The following TMEM183A variants were observed in gnomAD, a reference collection of about 807,000 sequenced individuals.
TMEM183A encodes the protein transmembrane protein 183A.
A neutral mutation model predicts 46.7 loss-of-function variants in TMEM183A; 21 were observed. That is an observed-to-expected ratio of 0.45 (90% CI 0.32 to 0.65). The LOEUF (loss-of-function observed/expected upper bound fraction) is 0.65. Ranked by LOEUF, TMEM183A falls within the 30% of genes least tolerant of loss-of-function variation. The probability of loss-of-function intolerance (pLI) is 0.04; values close to 1 mark genes in which losing one functional copy is unlikely to be tolerated. For synonymous variants in TMEM183A, 165 were observed against 180.2 expected (o/e 0.92, Z 0.68); for missense variants, 331 against 481.9 (o/e 0.69, Z 2.93).
chr1:203,015,207 A>G (rs1337057943), intron 4 of TMEM183A, 159 bp downstream of exon 4: 2 of 1,010,412 alleles, frequency 2.0e-6, no homozygotes, highest in African/African-American at 3.3e-5. Flanking sequence ...TCTAATTTAA[A>G]TTTGATATTA....
Position 203,014,989 on chromosome 1 carries a change from T to G in TMEM183A, c.468T>G (p.Ile156Met). 1 of 1,613,886 alleles carries G rather than the reference T, an allele frequency of 6.2e-7. No individual in the cohort carries two copies. The highest frequency in any genetic ancestry group is 1.3e-5 in the African/African-American group (1 of 75,020). ...AGGACATTGTGAATTTTTCCCTGAT[T>G]TGTAAGAATGCCTGGACTGTCACTT... The part of the protein sequence containing the change: ...RPEDIVNFSL[I>M]CKNAWTVTCT... The change falls in exon 4 of 8, where the codon ATT becomes ATG. Residue 156 changes from isoleucine to methionine, a missense_variant. Coordinates refer to ENST00000367242, the MANE Select transcript of TMEM183A (RefSeq NM_138391.6).
chr1:203,014,987 A>C lies in TMEM183A; in HGVS notation c.466A>C (p.Ile156Leu), dbSNP rs1657028069. ...TGAGGACATTGTGAATTTTTCCCTG[A>C]TTTGTAAGAATGCCTGGACTGTCAC... ...RPEDIVNFSLICKNAWTVTCT... is the reference protein window; with the variant it reads ...RPEDIVNFSLLCKNAWTVTCT... Residue 156 changes from isoleucine (I) to leucine (L), a missense_variant, in exon 4 of 8, where the codon ATT becomes CTT. Around this residue, in one of 2 missense-constraint regions of TMEM183A, gnomAD observed 233 missense variants for 385.8 expected, o/e 0.60. Coordinates refer to ENST00000367242, the MANE Select transcript of TMEM183A (RefSeq NM_138391.6). 6.2e-7 allele frequency: 1 copy of C among 1,613,024 alleles called. No homozygotes were observed. Among genetic ancestry groups the C allele is most frequent in the Non-Finnish European group, 8.5e-7 (1 of 1,179,718 alleles).
chr1:203,010,287 A>G (rs1200617251), intron 3 of TMEM183A, among the ~76,000 whole-genome samples: 2 of 152,336 alleles, frequency 1.3e-5, no homozygotes, highest in East Asian at 1.9e-4. Flanking sequence ...AATTAATGGT[A>G]TGATTGCTTT....
intron 4 of TMEM183A, chr1:203,015,266 C>A: frequency 1.6e-6 from 1 of 626,384 alleles, no homozygotes; most frequent in Non-Finnish European, 2.6e-6. Context: ...CTTCCCCACT[C>A]CAGTATCCAC....
intron 7 of TMEM183A, among the ~76,000 whole-genome samples, chr1:203,022,098 G>T (rs190682028): frequency 6.6e-6 from 1 of 151,764 alleles, no homozygotes; most frequent in Non-Finnish European, 1.5e-5. Flanking sequence ...ATGGAGTCTC[G>T]CTCTGTAGTC....
In TMEM183A at chr1:203,017,624, G is replaced by A. The variant is rs114309706; in HGVS notation, c.709-857G>A. 1.3e-3 allele frequency: 672 copies of A among 508,286 alleles called. 7 individuals carry two copies. Among genetic ancestry groups the A allele is most frequent in the African/African-American group, 0.013 (609 of 48,138 alleles). The allele number at this position is 508,286 out of a possible 1,614,324, so 31.5% of individuals were successfully genotyped here. A position where few individuals can be genotyped will look rare whatever the true frequency, so the allele number is the denominator to read the frequency against. ...TGGGGCCTGCAGTGGCAGATATCCC[G>A]TGCATGGCCTTGCCACTTGTATACC... On this transcript the variant is annotated intron_variant, in intron 5 of 7. Transcript: ENST00000367242.
intron 7 of TMEM183A, among the ~76,000 whole-genome samples, chr1:203,021,910 A>G (rs916769949): frequency 6.6e-6 from 1 of 151,342 alleles, no homozygotes; most frequent in Non-Finnish European, 1.5e-5. Context: ...CAAATAATAC[A>G]TAAATATACT....
chr1:203,007,477 G>A lies in TMEM183A; in HGVS notation c.12G>A (p.Gly4=), dbSNP rs753975949. ...CTCCGGCCGGAGACATGGCCCGGGG[G>A]CCCGGCCCGCTAGGCAGGCCTCGCC... MAR[G]PGPLGRPRPD... is the part of the protein sequence containing the mutation. Residue 4 remains glycine, a synonymous_variant, in exon 1 of 8, where the codon GGG becomes GGA. Transcript: ENST00000367242. The A allele has an allele frequency of 1.2e-5, 18 of 1,469,906 alleles. No individual in the cohort carries two copies. The South Asian group carries it at 1.9e-4, about 15-fold the overall frequency. 91.1% of individuals were successfully genotyped at this position (1,469,906 alleles called of 1,614,324 possible).
In TMEM183A at chr1:203,023,143, A is replaced by G. The variant is rs1657880693; in HGVS notation, c.*103A>G. 3.3e-6 allele frequency: 2 copies of G among 612,772 alleles called. No homozygotes were observed. Among genetic ancestry groups the G allele is most frequent in the Non-Finnish European group, 5.5e-6 (2 of 366,306 alleles). The allele number at this position is 612,772 out of a possible 1,614,324, so 38.0% of individuals were successfully genotyped here. ...GGATTGTATATCTCGTTAGTAATGTACATGCTCTTCAGGTTCTAGGGCTCC... is the reference window on the plus strand; with the variant it reads ...GGATTGTATATCTCGTTAGTAATGTGCATGCTCTTCAGGTTCTAGGGCTCC... On this transcript the variant is annotated 3_prime_UTR_variant, in exon 8 of 8. Transcript: ENST00000367242.
intron 5 of TMEM183A, among the ~76,000 whole-genome samples, chr1:203,017,074 C>T (rs569718455): frequency 2.0e-5 from 3 of 152,228 alleles, no homozygotes; most frequent in African/African-American, 7.2e-5. Flanking sequence ...TCGAGATTAT[C>T]GAGGTTCCCC....
intron 7 of TMEM183A, among the ~76,000 whole-genome samples, chr1:203,022,195 A>G (rs1482009463): frequency 6.6e-6 from 1 of 151,938 alleles, no homozygotes; most frequent in African/African-American, 2.4e-5. Flanking sequence ...CCGCTTCCCA[A>G]GTAGCTATCT....
At chr1:203,016,301 C>T in intron 5 of TMEM183A, 161 bp downstream of exon 5, 1 of 991,992 alleles carries the variant, frequency 1.0e-6, no homozygotes, top group Non-Finnish European at 1.5e-6. Flanking sequence ...TTCTCCAAGA[C>T]CTTTCTGCTG....
chr1:203,010,948 A>G (rs1219739702), intron 3 of TMEM183A, among the ~76,000 whole-genome samples: 1 of 152,202 alleles, frequency 6.6e-6, no homozygotes, highest in Non-Finnish European at 1.5e-5. Context: ...GAATCATACA[A>G]TATATAGTCT....
chr1:203,008,906 T>TATATCTTATAA, intron 3 of TMEM183A, 96 bp downstream of exon 3: 1 of 1,284,540 alleles, frequency 7.8e-7, no homozygotes, highest in Admixed American at 3.4e-5. Flanking sequence ...ATATAAGACG[T>TATATCTTATAA]GATACCAGGA....
intron 6 of TMEM183A, among the ~76,000 whole-genome samples, chr1:203,020,008 G>A (rs575831061): frequency 1.8e-3 from 265 of 151,138 alleles, no homozygotes; most frequent in Middle Eastern, 0.017. Context: ...AATGGGGTGG[G>A]GTGGGGGGTG....
intron 3 of TMEM183A, among the ~76,000 whole-genome samples, chr1:203,010,917 T>A (rs1656512413): frequency 6.6e-6 from 1 of 152,256 alleles, no homozygotes; most frequent in African/African-American, 2.4e-5. Flanking sequence ...GACTTACCTA[T>A]TCTGACATTT....
chr1:203,021,878 T>G (rs1657719372), intron 7 of TMEM183A, among the ~76,000 whole-genome samples: 1 of 152,174 alleles, frequency 6.6e-6, no homozygotes, highest in Admixed American at 6.5e-5. Context: ...GAAAGTAGCT[T>G]TTTTAAAATG....
At chr1:203,012,945 C>G (rs1656809104) in intron 3 of TMEM183A, among the ~76,000 whole-genome samples, 1 of 152,280 alleles carries the variant, frequency 6.6e-6, no homozygotes, top group East Asian at 1.9e-4. Flanking sequence ...ATCTCGAACT[C>G]CTGGGCTCAA....
chr1:203,017,363 T>C (rs1657262368), intron 5 of TMEM183A, among the ~76,000 whole-genome samples: 1 of 152,184 alleles, frequency 6.6e-6, no homozygotes, highest in Non-Finnish European at 1.5e-5. Context: ...CAGAGCAGCA[T>C]TGGGCAAACT....
Sources: gnomAD v4.1 joint callset for allele counts (sites outside exome capture counted in the v4.1 genomes callset) on GRCh38, gnomAD v4.1.1 for gene constraint, gnomAD v4.1.1 regional missense constraint, MANE v1.5 for transcripts, NCBI Gene and HGNC (gene_info 2026-07-23, HGNC 2026-07-21) for gene names.